SNX4: variants seen among roughly 807,000 people sequenced by gnomAD.
SNX4 encodes the protein sorting nexin 4.
In SNX4, 49 loss-of-function variants were observed where a neutral mutation model predicts 70.8. That is an observed-to-expected ratio of 0.69 (90% CI 0.55 to 0.88). The LOEUF (loss-of-function observed/expected upper bound fraction) is 0.88. Among genes scored for constraint, SNX4 ranks in the 40% least tolerant of loss-of-function variants. The pLI is 0.00. For missense variants in SNX4, 528 were observed against 544.8 expected, an observed-to-expected ratio of 0.97 and a Z score of 0.31; for synonymous variants, 206 against 183.8, an observed-to-expected ratio of 1.12 and a Z score of -0.98.
chr3:125,473,155 T>C (rs564253855), intron 8 of SNX4, among the ~76,000 whole-genome samples: 1 of 152,166 alleles, frequency 6.6e-6, no homozygotes, highest in African/African-American at 2.4e-5. Flanking sequence ...CAGCGCCCAA[T>C]AGTTAGTTTG....
At chr3:125,486,837 G>T (rs1579994960) in intron 6 of SNX4, among the ~76,000 whole-genome samples, 1 of 152,054 alleles carries the variant, frequency 6.6e-6, no homozygotes, top group East Asian at 1.9e-4. Flanking sequence ...GGATTGTTGA[G>T]CCCAGCAGTT....
intron 1 of SNX4, among the ~76,000 whole-genome samples, chr3:125,519,774 T>C (rs1378817776): frequency 2.0e-5 from 3 of 150,682 alleles, no homozygotes; most frequent in Non-Finnish European, 3.0e-5. Context: ...TCCCTTTCCC[T>C]CCCCTTCGCA....
chr3:125,480,422 A>C (rs1193715211), intron 6 of SNX4, 103 bp from the exon 7 acceptor site: 3 of 504,932 alleles, frequency 5.9e-6, no homozygotes, highest in African/African-American at 4.0e-5. Flanking sequence ...AACTGATTCT[A>C]TTTAACCATA....
intron 10 of SNX4, among the ~76,000 whole-genome samples, chr3:125,458,814 C>CAAAAAAAAAAAAAAAAA (rs71148180): frequency 2.0e-4 from 13 of 64,526 alleles, no homozygotes; most frequent in African/African-American, 5.7e-4. Flanking sequence ...GACTCCGTCT[C>CAAAAAAAAAAAAAAAAA]AAAAAAAAAA....
chr3:125,489,410 G>A lies in SNX4; in HGVS notation c.651C>T (p.Asp217=). 1 of 1,611,226 alleles carries A rather than the reference G, an allele frequency of 6.2e-7. No homozygotes were observed. The highest frequency in any genetic ancestry group is 8.5e-7 in the Non-Finnish European group (1 of 1,177,944). ...LNATFRVKNP[D]KRFTDLKHYS... is the part of the protein sequence containing the mutation. ...CTGTTATTAAAACAAAACCTTACTT[G>A]TCTGGGTTTTTCACTCTGAATGTTG... Residue 217 remains aspartate (D), a splice_region_variant and synonymous_variant, in exon 6 of 14, where the codon GAC becomes GAT. Coordinates refer to ENST00000251775, the MANE Select transcript of SNX4 (RefSeq NM_003794.4).
At chr3:125,481,094 G>T (rs559661692) in intron 6 of SNX4, among the ~76,000 whole-genome samples, 2 of 152,088 alleles carry the variant, frequency 1.3e-5, no homozygotes, top group Non-Finnish European at 2.9e-5. Context: ...CTTTCACAAG[G>T]CATCACTTCC....
Position 125,453,959 on chromosome 3 carries a change from A to C in SNX4, c.1045-4T>G. The C allele has an allele frequency of 6.2e-7, 1 of 1,611,406 alleles. No individual in the cohort carries two copies. The highest frequency in any genetic ancestry group is 8.5e-7 in the Non-Finnish European group (1 of 1,179,130). ...TCAAAGAGAATGTTCTCACAGTCTAAAAGGAAACAGAAACAGATGAATGGA... is the reference window on the plus strand; with the variant it reads ...TCAAAGAGAATGTTCTCACAGTCTACAAGGAAACAGAAACAGATGAATGGA... On this transcript the variant is annotated splice_polypyrimidine_tract_variant and splice_region_variant and intron_variant, in intron 11 of 13. Coordinates refer to ENST00000251775, the MANE Select transcript of SNX4 (RefSeq NM_003794.4).
intron 8 of SNX4, among the ~76,000 whole-genome samples, chr3:125,473,759 G>A (rs1197145757): frequency 3.3e-5 from 5 of 152,130 alleles, no homozygotes; most frequent in Non-Finnish European, 4.4e-5. Flanking sequence ...TTATTGAAGT[G>A]TTCCCTTCAC....
chr3:125,514,699 CT>C (rs934739921), intron 1 of SNX4, among the ~76,000 whole-genome samples: 2 of 151,852 alleles, frequency 1.3e-5, no homozygotes, highest in African/African-American at 4.8e-5. Context: ...GCCTCCAAAA[CT>C]TTTTTTGACA....
intron 1 of SNX4, among the ~76,000 whole-genome samples, chr3:125,512,172 G>A: frequency 6.6e-6 from 1 of 152,032 alleles, no homozygotes; most frequent in Admixed American, 6.6e-5. Context: ...CCAACATCAG[G>A]GTTGGTTATG....
chr3:125,499,611 C>A (rs1216881666), intron 2 of SNX4, among the ~76,000 whole-genome samples: 1 of 151,928 alleles, frequency 6.6e-6, no homozygotes, highest in East Asian at 1.9e-4. Flanking sequence ...AATTACAATG[C>A]CCAACTTCAG....
rs1384930273 is a variant in SNX4, at chr3:125,476,643, A to C, written c.788+52T>G. 6 of 1,015,924 alleles carry C rather than the reference A, an allele frequency of 5.9e-6. No homozygotes were observed. The East Asian group carries it at 1.4e-4, about 24-fold the overall frequency. The allele number at this position is 1,015,924 out of a possible 1,614,324, so 62.9% of individuals were successfully genotyped here. ...TAAATGTTCAAGAATTATTGTTTTC[A>C]GGCAAAAAGGTAATTAAAGCTAATT... On this transcript the variant is annotated intron_variant, in intron 8 of 13. Coordinates refer to ENST00000251775, the MANE Select transcript of SNX4 (RefSeq NM_003794.4).
At chr3:125,471,824 T>C (rs1433553300) in intron 8 of SNX4, among the ~76,000 whole-genome samples, 4 of 152,222 alleles carry the variant, frequency 2.6e-5, no homozygotes, top group African/African-American at 9.7e-5. Context: ...ATGAAACTAG[T>C]CCTATAAGCC....
At chr3:125,493,111 T>C (rs994622015) in intron 5 of SNX4, among the ~76,000 whole-genome samples, 21 of 152,200 alleles carry the variant, frequency 1.4e-4, no homozygotes, top group African/African-American at 4.6e-4. Flanking sequence ...TTATATTTTG[T>C]GTATGTATTT....
chr3:125,514,462 G>A (rs572560752), intron 1 of SNX4, among the ~76,000 whole-genome samples: 41 of 148,810 alleles, frequency 2.8e-4, no homozygotes, highest in African/African-American at 9.0e-4. Context: ...CATGATCACA[G>A]CTCACTGCAA....
intron 13 of SNX4, among the ~76,000 whole-genome samples, chr3:125,449,574 C>G (rs1022001082): frequency 1.3e-5 from 2 of 152,078 alleles, no homozygotes; most frequent in African/African-American, 4.8e-5. Context: ...GAAAACAAAA[C>G]GACAAAATTG....
chr3:125,506,239 G>A (rs1935039796), intron 1 of SNX4, among the ~76,000 whole-genome samples: 1 of 151,998 alleles, frequency 6.6e-6, no homozygotes, highest in African/African-American at 2.4e-5. Context: ...AAGAAACAGG[G>A]TGGTATGATC....
chr3:125,480,560 T>TA (rs1049089407), intron 6 of SNX4, among the ~76,000 whole-genome samples: 11 of 151,962 alleles, frequency 7.2e-5, no homozygotes, highest in East Asian at 5.8e-4. Flanking sequence ...CTGAGATAGG[T>TA]AAAAAAAATC....
At chr3:125,475,359 G>C (rs532226579) in intron 8 of SNX4, among the ~76,000 whole-genome samples, 1 of 152,016 alleles carries the variant, frequency 6.6e-6, no homozygotes, top group South Asian at 2.1e-4. Context: ...CCCACCACCT[G>C]AGAAAAAATT....
Sources: gnomAD v4.1 joint callset for allele counts (sites outside exome capture counted in the v4.1 genomes callset) on GRCh38, gnomAD v4.1.1 for gene constraint, MANE v1.5 for transcripts, NCBI Gene and HGNC (gene_info 2026-07-23, HGNC 2026-07-21) for gene names.